The following NSMCE2 variants were observed in gnomAD, a reference collection of about 807,000 sequenced individuals.
The protein encoded by NSMCE2 is E3 SUMO-protein ligase NSE2.
A neutral mutation model predicts 23.8 loss-of-function variants in NSMCE2; 24 were observed. The observed-to-expected ratio is 1.01, with a 90% CI of 0.73 to 1.42. NSMCE2 has a LOEUF of 1.42. Among genes scored for constraint, NSMCE2 ranks in the 40% most tolerant of loss-of-function variants. The pLI, the probability that NSMCE2 is intolerant of heterozygous loss-of-function variation, is 0.00. For synonymous variants in NSMCE2, 92 were observed against 94.1 expected, an observed-to-expected ratio of 0.98 and a Z score of 0.13; for missense variants, 284 against 296.5, an observed-to-expected ratio of 0.96 and a Z score of 0.31.
At position 125,235,217 on chromosome 8, in the gene NSMCE2, A is replaced by C. The variant is rs181666238; in HGVS notation, c.418+52961A>C. ...GGTCGTGCCACTGCACTCCAGCCTG[A>C]GCAACAGAGTGAGACTCCATCTCAA... On this transcript the variant is annotated intron_variant, in intron 5 of 7. Coordinates refer to ENST00000287437, the MANE Select transcript of NSMCE2 (RefSeq NM_173685.4). Among the ~76,000 whole-genome samples the C allele has an allele frequency of 4.5e-3, 689 of 151,700 alleles. 6 individuals carry two copies. Among genetic ancestry groups the C allele is most frequent in the African/African-American group, 0.016 (658 of 41,282 alleles).
chr8:125,246,207 TCTCA>T (rs1269373863), intron 5 of NSMCE2, among the ~76,000 whole-genome samples: 1 of 149,712 alleles, frequency 6.7e-6, no homozygotes, highest in African/African-American at 2.5e-5. Context: ...TGAGACAGAG[TCTCA>T]CTCACTCTAT....
intron 5 of NSMCE2, among the ~76,000 whole-genome samples, chr8:125,212,454 T>C (rs1824389250): frequency 6.6e-6 from 1 of 152,112 alleles, no homozygotes; most frequent in South Asian, 2.1e-4. Context: ...GGAGGCTTTG[T>C]TCATGGCCAG....
rs188695344 is a variant in NSMCE2, at chr8:125,317,978, A to G, written c.419-39241A>G. ...ATTGTAATTTATGTGATAGAGGATT[A>G]ATTTCCTGCACAAAATCTTACAAAT... On this transcript the variant is annotated intron_variant, in intron 5 of 7. Transcript: ENST00000287437. Among the ~76,000 whole-genome samples, 129 of 152,366 alleles carry G rather than the reference A, an allele frequency of 8.5e-4. No homozygotes were observed. The Middle Eastern group carries it at 0.01, about 12-fold the overall frequency.
intron 5 of NSMCE2, among the ~76,000 whole-genome samples, chr8:125,356,324 TG>T (rs1384090387): frequency 1.3e-4 from 18 of 138,564 alleles, no homozygotes; most frequent in Admixed American, 6.7e-4. Context: ...TTTAATTTTT[TG>T]GTTTTTTTTT....
chr8:125,283,165 G>C (rs1827760200), intron 5 of NSMCE2, among the ~76,000 whole-genome samples: 1 of 152,140 alleles, frequency 6.6e-6, no homozygotes, highest in Non-Finnish European at 1.5e-5. Flanking sequence ...AAAGCTCTTA[G>C]CACAAGGTCT....
At chr8:125,320,207 A>C (rs1208867554) in intron 5 of NSMCE2, among the ~76,000 whole-genome samples, 2 of 108,102 alleles carry the variant, frequency 1.9e-5, no homozygotes, top group Admixed American at 1.9e-4. Flanking sequence ...AGAAAGAAAG[A>C]GAAGGAAGGA....
chr8:125,111,392 G>A (rs1408298724), intron 3 of NSMCE2, among the ~76,000 whole-genome samples: 1 of 152,052 alleles, frequency 6.6e-6, no homozygotes, highest in Non-Finnish European at 1.5e-5. Context: ...CTAGAAATTT[G>A]GTAAGTATGG....
chr8:125,104,178 C>T (rs561443182), intron 3 of NSMCE2, among the ~76,000 whole-genome samples: 4 of 152,110 alleles, frequency 2.6e-5, no homozygotes, highest in African/African-American at 7.2e-5. Flanking sequence ...TTAGTAGAGA[C>T]GGAGTTTCTT....
At chr8:125,360,160 G>T (rs1312192952) in intron 7 of NSMCE2, among the ~76,000 whole-genome samples, 3 of 152,092 alleles carry the variant, frequency 2.0e-5, no homozygotes, top group Admixed American at 6.6e-5. Context: ...CATGAGAGAG[G>T]AACACTCTTA....
intron 5 of NSMCE2, chr8:125,182,575 A>C: frequency 2.4e-6 from 1 of 423,248 alleles, no homozygotes; most frequent in Admixed American, 4.4e-5. Flanking sequence ...TTAAATAACA[A>C]TGGTATCGTT....
chr8:125,179,792 C>G (rs1236462931), intron 4 of NSMCE2, among the ~76,000 whole-genome samples: 1 of 151,882 alleles, frequency 6.6e-6, no homozygotes, highest in Non-Finnish European at 1.5e-5. Flanking sequence ...CTCACTGCCC[C>G]CACTCAGTCT....
chr8:125,256,705 C>G (rs1349104073), intron 5 of NSMCE2, among the ~76,000 whole-genome samples: 4 of 151,888 alleles, frequency 2.6e-5, no homozygotes, highest in Non-Finnish European at 5.9e-5. Flanking sequence ...GCGGGTGGAT[C>G]ATGAGGTCAG....
intron 3 of NSMCE2, among the ~76,000 whole-genome samples, chr8:125,103,991 CTT>C (rs72031823): frequency 1.3e-4 from 15 of 118,282 alleles, no homozygotes; most frequent in Admixed American, 1.7e-4. Context: ...ATTTTGTTGT[CTT>C]TTTTTTTTTT....
chr8:125,301,248 G>A (rs976521567), intron 5 of NSMCE2, among the ~76,000 whole-genome samples: 2 of 152,092 alleles, frequency 1.3e-5, no homozygotes, highest in East Asian at 3.8e-4. Context: ...CTGTACAGTC[G>A]GCATCCAGAA....
At chr8:125,148,078 T>A (rs10112218) in intron 3 of NSMCE2, among the ~76,000 whole-genome samples, 55,605 of 151,990 alleles carry the variant, frequency 0.37, 13,722 homozygotes, top group African/African-American at 0.7. Flanking sequence ...TTTTAGAATT[T>A]CCTTCCTGAT....
At chr8:125,274,727 C>A (rs1475615286) in intron 5 of NSMCE2, among the ~76,000 whole-genome samples, 1 of 151,878 alleles carries the variant, frequency 6.6e-6, no homozygotes, top group Non-Finnish European at 1.5e-5. Flanking sequence ...GTCAGCAGTT[C>A]GAGACCAGCC....
intron 5 of NSMCE2, among the ~76,000 whole-genome samples, chr8:125,313,156 A>G (rs1178707332): frequency 1.3e-5 from 2 of 150,652 alleles, no homozygotes; most frequent in African/African-American, 4.9e-5. Context: ...AGAAGGAAGG[A>G]AGGAAAAAAA....
intron 5 of NSMCE2, among the ~76,000 whole-genome samples, chr8:125,239,909 A>G (rs1313948332): frequency 1.3e-5 from 2 of 152,134 alleles, no homozygotes; most frequent in Non-Finnish European, 2.9e-5. Context: ...AAAGATGGTC[A>G]CCTGAGAAGT....
intron 5 of NSMCE2, among the ~76,000 whole-genome samples, chr8:125,283,531 G>A (rs985008160): frequency 6.6e-6 from 1 of 152,190 alleles, no homozygotes; most frequent in Admixed American, 6.5e-5. Flanking sequence ...AATTAAAAAA[G>A]AATCAAGAGA....
Sources: gnomAD v4.1 joint callset for allele counts (sites outside exome capture counted in the v4.1 genomes callset) on GRCh38, gnomAD v4.1.1 for gene constraint, MANE v1.5 for transcripts, NCBI Gene and HGNC (gene_info 2026-07-23, HGNC 2026-07-21) for gene names.